Variants in ASPH observed in about 807,000 individuals in gnomAD.
ASPH encodes aspartate beta-hydroxylase.
Under a neutral mutation model 118.4 loss-of-function variants are expected in ASPH, and 100 were observed. That is an observed-to-expected ratio of 0.84 (90% confidence interval 0.72 to 1.00). ASPH has a LOEUF of 1.00. ASPH is among the 50% of genes least tolerant of loss of function. The pLI, the probability that ASPH is intolerant of heterozygous loss-of-function variation, is 0.00. For synonymous variants in ASPH, 315 were observed against 325.6 expected (o/e 0.97, Z 0.35); for missense variants, 920 against 919.5 (o/e 1.00, Z -0.01).
At chr8:61,676,698 T>C (rs1825575628) in intron 3 of ASPH, among the ~76,000 whole-genome samples, 2 of 152,100 alleles carry the variant, frequency 1.3e-5, no homozygotes, top group South Asian at 4.1e-4. Flanking sequence ...AGATATATAC[T>C]CTGACAACCT....
At chr8:61,680,737 T>C (rs953452133) in intron 3 of ASPH, 2 of 306,340 alleles carry the variant, frequency 6.5e-6, no homozygotes, top group Non-Finnish European at 5.9e-6. Context: ...ATTATACTTA[T>C]CAAAAGATAT....
At chr8:61,539,155 C>A (rs1431110536) in intron 21 of ASPH, among the ~76,000 whole-genome samples, 3 of 152,134 alleles carry the variant, frequency 2.0e-5, no homozygotes, top group Non-Finnish European at 4.4e-5. Context: ...GCATGAGAAT[C>A]GCTTGAACCC....
intron 1 of ASPH, among the ~76,000 whole-genome samples, chr8:61,693,197 T>G (rs1230878221): frequency 3.3e-5 from 5 of 152,184 alleles, no homozygotes; most frequent in Non-Finnish European, 7.3e-5. Flanking sequence ...TTGCTTCATT[T>G]CTTCATCCCC....
intron 1 of ASPH, among the ~76,000 whole-genome samples, chr8:61,688,160 T>C (rs1396344163): frequency 2.0e-5 from 3 of 152,160 alleles, no homozygotes; most frequent in African/African-American, 4.8e-5. Flanking sequence ...CCAAAGGTAT[T>C]TGGGAAGAAC....
intron 15 of ASPH, among the ~76,000 whole-genome samples, chr8:61,581,218 A>T (rs1325574292): frequency 6.6e-6 from 1 of 152,226 alleles, no homozygotes; most frequent in Admixed American, 6.5e-5. Context: ...GGCAAAGTAA[A>T]TGTGTTTGCT....
intron 24 of ASPH, among the ~76,000 whole-genome samples, chr8:61,508,590 A>G (rs1807564003): frequency 6.6e-6 from 1 of 152,232 alleles, no homozygotes; most frequent in East Asian, 1.9e-4. Context: ...ATAATATCTT[A>G]GCTATCTTTG....
At chr8:61,604,288 C>T (rs558353465) in intron 14 of ASPH, among the ~76,000 whole-genome samples, 39 of 151,788 alleles carry the variant, frequency 2.6e-4, no homozygotes, top group African/African-American at 8.2e-4. Flanking sequence ...GTCACAGGGC[C>T]GAGGCAATGG....
intron 3 of ASPH, among the ~76,000 whole-genome samples, chr8:61,668,830 A>G (rs1588961523): frequency 6.6e-6 from 1 of 152,336 alleles, no homozygotes; most frequent in East Asian, 1.9e-4. Context: ...CACCCACTCT[A>G]AAAACTTTGC....
intron 1 of ASPH, among the ~76,000 whole-genome samples, chr8:61,699,058 C>A (rs985719796): frequency 6.6e-6 from 1 of 152,164 alleles, no homozygotes; most frequent in African/African-American, 2.4e-5. Context: ...ACCAAGTGGG[C>A]GCTGGGACAT....
chr8:61,605,291 G>A (rs777418226), intron 14 of ASPH, among the ~76,000 whole-genome samples: 4 of 152,060 alleles, frequency 2.6e-5, no homozygotes, highest in Non-Finnish European at 5.9e-5. Flanking sequence ...TTGGACTTAG[G>A]GATAACATGC....
chr8:61,714,136 A>G, intron 1 of ASPH, 133 bp downstream of exon 1: 12 of 1,248,494 alleles, frequency 9.6e-6, no homozygotes, highest in Non-Finnish European at 1.1e-5. Flanking sequence ...CGCGCGCCTA[A>G]AGGAGGAGCG....
At chr8:61,515,586 C>T (rs1810605457) in intron 24 of ASPH, among the ~76,000 whole-genome samples, 1 of 152,190 alleles carries the variant, frequency 6.6e-6, no homozygotes, top group South Asian at 2.1e-4. Context: ...TATCTCTAGA[C>T]TTACCTTCTC....
intron 14 of ASPH, among the ~76,000 whole-genome samples, chr8:61,586,706 C>T (rs1839570598): frequency 6.6e-6 from 1 of 152,226 alleles, no homozygotes; most frequent in African/African-American, 2.4e-5. Context: ...CTCTCACCCA[C>T]ATGGAAAGAA....
At chr8:61,686,458 G>C (rs1264956453) in intron 1 of ASPH, among the ~76,000 whole-genome samples, 2 of 152,136 alleles carry the variant, frequency 1.3e-5, no homozygotes, top group African/African-American at 2.4e-5. Context: ...ATTTACGAAA[G>C]TGAGTAAGCT....
Position 61,583,945 on chromosome 8 carries a change from C to T in ASPH, c.1061G>A (p.Arg354Lys), listed in dbSNP as rs6995412. ...ELDAAEKLRK[R>K]GKIEEAVNAF... ...ATTGCACAAAAAATATCAACCTACC[C>T]TTTTACGGAGTTTTTCTGCAGCATC... Residue 354 changes from arginine to lysine, a missense_variant and splice_region_variant, in exon 15 of 25, where the codon AGG (arginine) becomes AAG (lysine). Transcript: ENST00000379454. 6.4e-7 allele frequency: 1 copy of T among 1,573,798 alleles called. No homozygotes were observed. Among genetic ancestry groups the T allele is most frequent in the Non-Finnish European group, 8.7e-7 (1 of 1,154,934 alleles).
intron 21 of ASPH, among the ~76,000 whole-genome samples, chr8:61,544,028 G>T (rs1358596286): frequency 6.6e-6 from 1 of 152,178 alleles, no homozygotes; most frequent in Non-Finnish European, 1.5e-5. Flanking sequence ...GGTTTAAAAT[G>T]GTGACAATGC....
At chr8:61,553,601 ATT>A (rs35343441) in intron 19 of ASPH, among the ~76,000 whole-genome samples, 189 of 130,942 alleles carry the variant, frequency 1.4e-3, no homozygotes, top group South Asian at 6.6e-3. Context: ...CCTTTTAATG[ATT>A]TTTTTTTTTT....
intron 7 of ASPH, among the ~76,000 whole-genome samples, 179 bp from the exon 8 acceptor site, chr8:61,644,180 A>T (rs1806688171): frequency 6.6e-6 from 1 of 152,262 alleles, no homozygotes; most frequent in Non-Finnish European, 1.5e-5. Flanking sequence ...CCAAATGCAA[A>T]GATGAGTAAG....
intron 24 of ASPH, among the ~76,000 whole-genome samples, chr8:61,512,442 A>T (rs1224956449): frequency 6.6e-6 from 1 of 152,212 alleles, no homozygotes; most frequent in Non-Finnish European, 1.5e-5. Context: ...AAACCAAAGA[A>T]CACCAAGGGC....
Sources: gnomAD v4.1 joint callset for allele counts (sites outside exome capture counted in the v4.1 genomes callset) on GRCh38, gnomAD v4.1.1 for gene constraint, MANE v1.5 for transcripts, NCBI Gene and HGNC (gene_info 2026-07-23, HGNC 2026-07-21) for gene names.